The following SV2A variants were observed in gnomAD, a reference collection of about 807,000 sequenced individuals.
SV2A encodes synaptic vesicle glycoprotein 2A, also known as solute carrier family 22 member B1.
In SV2A, 25 loss-of-function variants were observed where a neutral mutation model predicts 78.0. The observed-to-expected ratio is 0.32, with a 90% CI of 0.23 to 0.45. The LOEUF (loss-of-function observed/expected upper bound fraction) is 0.45, where lower values mean the gene tolerates loss of function less well. Ranked by LOEUF, SV2A falls within the 20% of genes least tolerant of loss-of-function variation. SV2A has a pLI of 1.00. For missense variants in SV2A, 752 were observed against 971.5 expected (o/e 0.77, Z 3.00); for synonymous variants, 355 against 384.7 (o/e 0.92, Z 0.90).
rs1553763283 is a variant in SV2A, at chr1:149,909,183, T to C, written c.1379+9A>G. The C allele has an allele frequency of 1.2e-6, 2 of 1,612,936 alleles. No homozygotes were observed. The highest frequency in any genetic ancestry group is 2.2e-5 in the South Asian group (2 of 91,036). ...CACCACACATCACCCAGCCCACCCA[T>C]CTCCTCACCTGAATGACATGGTGAA... On this transcript the variant is annotated intron_variant, in intron 8 of 12. Transcript: ENST00000369146.
chr1:149,908,995 A>G (rs587717997), intron 8 of SV2A, among the ~76,000 whole-genome samples, 197 bp downstream of exon 8: 1 of 152,152 alleles, frequency 6.6e-6, no homozygotes, highest in Non-Finnish European at 1.5e-5. Context: ...CAGAATAGAA[A>G]CTGAATCCTG....
At chr1:149,906,590 G>A in intron 11 of SV2A, 60 bp downstream of exon 11, 4 of 1,569,866 alleles carry the variant, frequency 2.5e-6, no homozygotes, top group Non-Finnish European at 2.6e-6. Flanking sequence ...GAAGCCTGTT[G>A]ACTGCCTCCC....
intron 10 of SV2A, among the ~76,000 whole-genome samples, chr1:149,907,342 ATGC>A (rs1553762911): frequency 9.2e-5 from 14 of 152,190 alleles, no homozygotes; most frequent in African/African-American, 3.4e-4. Flanking sequence ...GAGTGGATTC[ATGC>A]AATGATCCGC....
At chr1:149,909,088 C>A in intron 8 of SV2A, 104 bp downstream of exon 8, 1 of 1,128,264 alleles carries the variant, frequency 8.9e-7, no homozygotes, top group Non-Finnish European at 1.3e-6. Flanking sequence ...TGCATGGCAC[C>A]TTCCCTCATC....
At chr1:149,905,847 T>G (rs2092434317) in intron 12 of SV2A, 33 bp downstream of exon 12, 1 of 1,607,226 alleles carries the variant, frequency 6.2e-7, no homozygotes, top group South Asian at 1.1e-5. Context: ...CTCCCCTGAA[T>G]CCACTGCCCT....
In SV2A at chr1:149,913,271, C is replaced by T; in HGVS notation, c.570G>A (p.Leu190=). 6.2e-7 allele frequency: 1 copy of T among 1,614,122 alleles called. No homozygotes were observed. The change falls in exon 2 of 13, where the codon CTG becomes CTA. Residue 190 remains leucine, a synonymous_variant. Transcript: ENST00000369146. ...GVEVFVVGFV[L]PSAEKDMCLS... is the part of the protein sequence containing the mutation. ...GGCACATGTCTTTCTCAGCGCTGGG[C>T]AGCACGAAGCCCACCACAAAGACCT...
At position 149,904,722 on chromosome 1, in the gene SV2A, C is replaced by G. The variant is rs2092423999; in HGVS notation, c.*292G>C. 1 of 320,900 alleles carries G rather than the reference C, an allele frequency of 3.1e-6. No homozygotes were observed. The highest frequency in any genetic ancestry group is 5.7e-6 in the Non-Finnish European group (1 of 174,262). The allele number at this position is 320,900 out of a possible 1,614,324, so 19.9% of individuals were successfully genotyped here. ...CCCTGGAACAGGGAAGCAAGGGCCC[C>G]TCTCTAACAGGGGGAGAAGGATGGG... On this transcript the variant is annotated 3_prime_UTR_variant, in exon 13 of 13. Transcript: ENST00000369146.
chr1:149,912,644 C>T (rs1472614005), intron 2 of SV2A, among the ~76,000 whole-genome samples: 2 of 152,222 alleles, frequency 1.3e-5, no homozygotes, highest in East Asian at 3.9e-4. Flanking sequence ...GGCCTCGATT[C>T]TTTCTCTGTG....
At position 149,905,138 on chromosome 1, in the gene SV2A, C is replaced by T; in HGVS notation, c.2105G>A (p.Ser702Asn). The T allele has an allele frequency of 6.2e-7, 1 of 1,612,244 alleles. No homozygotes were observed. The highest frequency in any genetic ancestry group is 2.2e-5 in the East Asian group (1 of 44,824). The change falls in exon 13 of 13, where the codon AGC (serine) becomes AAC (asparagine). Residue 702 changes from serine (S) to asparagine (N), a missense_variant. By Grantham distance (46) the Ser-to-Asn change is conservative. Coordinates refer to ENST00000369146, the MANE Select transcript of SV2A (RefSeq NM_014849.5). Reference protein sequence around the residue: ...LCKLAAVLGISIFTSFVGITK... With the variant: ...LCKLAAVLGINIFTSFVGITK... The stretch of plus-strand genomic sequence containing the variant: ...GATTCCCACGAAGGATGTGAAGATG[C>T]TGATCCCCAGCACAGCTGCCAGCTT...
At chr1:149,905,632 A>G in intron 12 of SV2A, 1 of 432,698 alleles carries the variant, frequency 2.3e-6, no homozygotes, top group Non-Finnish European at 4.2e-6. Context: ...TAGTACAGAC[A>G]GGGTTTCACC....
chr1:149,911,867 C>A lies in SV2A; in HGVS notation c.736G>T (p.Ala246Ser), dbSNP rs200101517. The change falls in exon 3 of 13, where the codon GCC becomes TCC. Residue 246 changes from alanine (A) to serine (S), a missense_variant. Ala to Ser is a moderately conservative substitution (Grantham distance 99). Coordinates refer to ENST00000369146, the MANE Select transcript of SV2A (RefSeq NM_014849.5). ...LISLSVNSVF[A>S]FFSSFVQGYG... Reference sequence around the variant, plus strand: ...CCCTGGACAAAAGATGAGAAGAAGGCGAAGACGCTGTTGACTGAGAGCGAG... The same window carrying A: ...CCCTGGACAAAAGATGAGAAGAAGGAGAAGACGCTGTTGACTGAGAGCGAG... 6.2e-7 allele frequency: 1 copy of A among 1,614,130 alleles called. No individual in the cohort carries two copies. Among genetic ancestry groups the A allele is most frequent in the Non-Finnish European group, 8.5e-7 (1 of 1,180,010 alleles).
chr1:149,906,325 T>A lies in SV2A; in HGVS notation c.1886-286A>T, dbSNP rs868966941. Reference sequence around the variant, plus strand: ...CACATCAACCCTATGACACAGGTACTATTATCACCTCCATTTTGCAGAGGA... The same window carrying A: ...CACATCAACCCTATGACACAGGTACAATTATCACCTCCATTTTGCAGAGGA... On this transcript the variant is annotated intron_variant, in intron 11 of 12. Transcript: ENST00000369146. Among the ~76,000 whole-genome samples, 47 of 152,302 alleles carry A rather than the reference T, an allele frequency of 3.1e-4. No individual in the cohort carries two copies. The Middle Eastern group carries it at 0.014, about 44-fold the overall frequency.
At position 149,913,460 on chromosome 1, in the gene SV2A, A is replaced by G. The variant is rs1425564934; in HGVS notation, c.381T>C (p.Ser127=). 1 of 1,536,668 alleles carries G rather than the reference A, an allele frequency of 6.5e-7. No individual in the cohort carries two copies. Among genetic ancestry groups the G allele is most frequent in the Admixed American group, 1.8e-5 (1 of 55,706 alleles). The change falls in exon 2 of 13, where the codon AGT becomes AGC. Residue 127 remains serine, a synonymous_variant. Transcript: ENST00000369146. The part of the protein sequence containing the change: ...APLAGVRGGL[S]DGEGPPGGRG... ...GGCCCCCAGGGGGACCCTCCCCATC[A>G]CTCAAGCCCCCCCTTACTCCAGCCA...
intron 10 of SV2A, among the ~76,000 whole-genome samples, chr1:149,907,358 C>CA (rs1267418997): frequency 3.3e-5 from 5 of 152,100 alleles, no homozygotes; most frequent in Non-Finnish European, 5.9e-5. Flanking sequence ...TGATCCGCAC[C>CA]AAATACCCCT....
rs992518417 is a variant in SV2A, at chr1:149,904,692, G to A, written c.*322C>T. On this transcript the variant is annotated 3_prime_UTR_variant, in exon 13 of 13. Transcript: ENST00000369146. ...ATGGGGAAGGCAGGAAGCCTATTCT[G>A]GAACCCCTGGAACAGGGAAGCAAGG... 6.8e-5 allele frequency: 18 copies of A among 263,676 alleles called. No homozygotes were observed. Among genetic ancestry groups the A allele is most frequent in the Non-Finnish European group, 1.2e-4 (16 of 138,110 alleles). 16.3% of individuals were successfully genotyped at this position (263,676 alleles called of 1,614,324 possible).
At position 149,905,111 on chromosome 1, in the gene SV2A, G is replaced by C. The variant is rs1553762503; in HGVS notation, c.2132C>G (p.Thr711Ser). 3.1e-6 allele frequency: 5 copies of C among 1,613,200 alleles called. No individual in the cohort carries two copies. The South Asian group carries it at 4.4e-5, about 14-fold the overall frequency. ...GGCAAAGAGGATGGGTGCAGCCTTG[G>C]TGATTCCCACGAAGGATGTGAAGAT... ...ISIFTSFVGI[T>S]KAAPILFASA... Residue 711 changes from threonine (T) to serine (S), a missense_variant, in exon 13 of 13, where the codon ACC becomes AGC. Transcript: ENST00000369146.
chr1:149,907,026 A>G (rs2092443054), intron 10 of SV2A, 170 bp from the exon 11 acceptor site: 1 of 1,444,842 alleles, frequency 6.9e-7, no homozygotes, highest in African/African-American at 1.4e-5. Context: ...GGAACTAGGG[A>G]TCTTTAGAGC....
Position 149,906,796 on chromosome 1 carries a change from T to C in SV2A, c.1739A>G (p.Lys580Arg). Residue 580 changes from lysine (K) to arginine (R), a missense_variant, in exon 11 of 13, where the codon AAG becomes AGG. Physicochemically the swap from Lys to Arg is conservative, Grantham distance 26 (BLOSUM62 2). Around this residue, in one of 7 missense-constraint regions of SV2A, gnomAD observed 186 missense variants for 274.6 expected, o/e 0.68. Coordinates refer to ENST00000369146, the MANE Select transcript of SV2A (RefSeq NM_014849.5). Reference sequence around the variant, plus strand: ...TGTCACGTCTAGCGGGCAGCCCTCCTTGTTGTGCAGGAATGTACTGTTTAT... The same window carrying C: ...TGTCACGTCTAGCGGGCAGCCCTCCCTGTTGTGCAGGAATGTACTGTTTAT... ...RLINSTFLHNKEGCPLDVTGT... is the reference protein window; with the variant it reads ...RLINSTFLHNREGCPLDVTGT... 6.2e-7 allele frequency: 1 copy of C among 1,614,222 alleles called. No individual in the cohort carries two copies. The highest frequency in any genetic ancestry group is 1.3e-5 in the African/African-American group (1 of 75,054).
intron 1 of SV2A, among the ~76,000 whole-genome samples, chr1:149,916,788 T>C (rs1196799015): frequency 6.6e-6 from 1 of 152,054 alleles, no homozygotes; most frequent in African/African-American, 2.4e-5. Flanking sequence ...GACAGCCCGG[T>C]CATCGAACTT....
Sources: gnomAD v4.1 joint callset for allele counts (sites outside exome capture counted in the v4.1 genomes callset) on GRCh38, gnomAD v4.1.1 for gene constraint, gnomAD v4.1.1 regional missense constraint, MANE v1.5 for transcripts, NCBI Gene and HGNC (gene_info 2026-07-23, HGNC 2026-07-21) for gene names.